The following ZFP64 variants were observed in gnomAD, a reference collection of about 807,000 sequenced individuals.
ZFP64 encodes ZFP64 zinc finger protein.
Under a neutral mutation model 51.6 loss-of-function variants are expected in ZFP64, and 14 were observed. That is an observed-to-expected ratio of 0.27 (90% confidence interval 0.18 to 0.42). The LOEUF is 0.42. Among genes scored for constraint, ZFP64 ranks in the 10% least tolerant of loss-of-function variants. ZFP64 has a pLI of 1.00. For synonymous variants in ZFP64, 375 were observed against 361.4 expected (o/e 1.04, Z -0.43); for missense variants, 754 against 906.8 (o/e 0.83, Z 2.16).
At chr20:52,117,472 A>G (rs1322820434) in intron 5 of ZFP64, among the ~76,000 whole-genome samples, 1 of 152,106 alleles carries the variant, frequency 6.6e-6, no homozygotes, top group African/African-American at 2.4e-5. Flanking sequence ...CTAAAAAATC[A>G]GCTAGGCATG....
At chr20:52,164,051 C>T (rs1224600087) in intron 4 of ZFP64, among the ~76,000 whole-genome samples, 1 of 152,100 alleles carries the variant, frequency 6.6e-6, no homozygotes. Context: ...TGGCTCACAC[C>T]TGTAAACCTA....
chr20:52,090,753 C>T (rs112789597), intron 7 of ZFP64, among the ~76,000 whole-genome samples: 11,088 of 149,962 alleles, frequency 0.074, 424 homozygotes, highest in Middle Eastern at 0.12. Flanking sequence ...GAGCCGAGAT[C>T]GTGCCACTGC....
intron 5 of ZFP64, chr20:52,110,399 C>A (rs529087175): frequency 5.3e-6 from 3 of 564,370 alleles, no homozygotes; most frequent in East Asian, 2.8e-5. Flanking sequence ...GATGTTTAAG[C>A]TCTTCTGGAG....
At chr20:52,139,326 C>T (rs548733311) in intron 5 of ZFP64, among the ~76,000 whole-genome samples, 2 of 152,304 alleles carry the variant, frequency 1.3e-5, no homozygotes, top group South Asian at 2.1e-4. Context: ...ACAACCATAA[C>T]AACATGAAAT....
intron 7 of ZFP64, among the ~76,000 whole-genome samples, chr20:52,092,365 G>C (rs2078936941): frequency 6.9e-6 from 1 of 145,796 alleles, no homozygotes; most frequent in East Asian, 2.1e-4. Context: ...TCCAGACATT[G>C]TTCCCTTGGG....
At position 52,143,983 on chromosome 20, in the gene ZFP64, G is replaced by A. The variant is rs1411341480; in HGVS notation, c.763+16140C>T. Among the ~76,000 whole-genome samples the A allele has an allele frequency of 3.5e-5, 5 of 143,314 alleles. 1 individual carries two copies. The highest frequency in any genetic ancestry group is 5.0e-5 in the African/African-American group (2 of 40,086). 94.0% of individuals were successfully genotyped at this position (143,314 alleles called of 152,430 possible). A position where few individuals can be genotyped will look rare whatever the true frequency, so the allele number is the denominator to read the frequency against. ...ATACTGACCAGTTTTGGATCTGTTGGTGAATTTATTTCAGCATTCCTGATT... is the reference window on the plus strand; with the variant it reads ...ATACTGACCAGTTTTGGATCTGTTGATGAATTTATTTCAGCATTCCTGATT... On this transcript the variant is annotated intron_variant, in intron 5 of 8. Coordinates refer to the ZFP64 transcript ENST00000361387.
Position 52,151,429 on chromosome 20 carries a change from C to T in ZFP64, c.*717G>A, listed in dbSNP as rs985617146. 1.0e-6 allele frequency: 1 copy of T among 985,170 alleles called. No individual in the cohort carries two copies. The highest frequency in any genetic ancestry group is 1.7e-5 in the African/African-American group (1 of 57,176). The allele number at this position is 985,170 out of a possible 1,614,324, so 61.0% of individuals were successfully genotyped here. ...CTTACATGTATAAAACATGAACACC[C>T]CCAAACTCTGGGGAGTATTCCAGAA... On this transcript the variant is annotated 3_prime_UTR_variant, in exon 6 of 6. Transcript: ENST00000216923.
At chr20:52,089,656 A>G (rs1338682546) in intron 7 of ZFP64, among the ~76,000 whole-genome samples, 1 of 151,750 alleles carries the variant, frequency 6.6e-6, no homozygotes, top group Non-Finnish European at 1.5e-5. Context: ...AGGTGGGAAG[A>G]TCACCTGAGC....
intron 5 of ZFP64, chr20:52,110,294 C>G (rs1978490200): frequency 2.4e-6 from 1 of 408,478 alleles, no homozygotes; most frequent in Admixed American, 3.7e-5. Flanking sequence ...AGCAGGTTAA[C>G]TCTCCCCTCC....
At chr20:52,139,848 GTTT>G (rs555986732) in intron 5 of ZFP64, among the ~76,000 whole-genome samples, 1 of 129,844 alleles carries the variant, frequency 7.7e-6, no homozygotes, top group Non-Finnish European at 1.6e-5. Context: ...GCGCTGAGTT[GTTT>G]TTTTTTTTTT....
chr20:52,176,789 G>A (rs1197014543), intron 2 of ZFP64, among the ~76,000 whole-genome samples: 1 of 152,114 alleles, frequency 6.6e-6, no homozygotes, highest in African/African-American at 2.4e-5. Context: ...GATTACAGGC[G>A]TGAGCCACCG....
intron 7 of ZFP64, among the ~76,000 whole-genome samples, chr20:52,096,417 T>C (rs111480365): frequency 1.0e-3 from 159 of 152,334 alleles, no homozygotes; most frequent in African/African-American, 3.7e-3. Flanking sequence ...GGCAGAGCCA[T>C]TGGACCAGCT....
At chr20:52,109,288 C>T (rs1317430469) in intron 5 of ZFP64, among the ~76,000 whole-genome samples, 2 of 151,938 alleles carry the variant, frequency 1.3e-5, no homozygotes, top group Admixed American at 6.6e-5. Flanking sequence ...CTCAGCCTCC[C>T]GAGTAGCTAG....
chr20:52,120,965 C>T (rs1301202224), intron 5 of ZFP64, among the ~76,000 whole-genome samples: 1 of 152,086 alleles, frequency 6.6e-6, no homozygotes, highest in Non-Finnish European at 1.5e-5. Flanking sequence ...GCATGAGCCA[C>T]CTCACCCAGT....
intron 5 of ZFP64, among the ~76,000 whole-genome samples, chr20:52,121,429 C>G (rs1470405504): frequency 6.6e-6 from 1 of 152,192 alleles, no homozygotes; most frequent in Non-Finnish European, 1.5e-5. Context: ...TATGGTGAAA[C>G]TTTTAGTCAT....
In ZFP64 at chr20:52,084,359, C is replaced by A. The variant is rs1355594587; in HGVS notation, c.*198G>T. On this transcript the variant is annotated 3_prime_UTR_variant, in exon 9 of 9. Coordinates refer to the ZFP64 transcript ENST00000361387. ...AATCCTTGGAGGGAAGAGACAAATG[C>A]GAGGAGTGTCTCCACAGCCCTGCTT... 2.4e-5 allele frequency: 14 copies of A among 583,224 alleles called. No homozygotes were observed. In the Admixed American group the frequency reaches 3.7e-4, roughly 15 times the overall value. The allele number at this position is 583,224 out of a possible 1,614,324, so 36.1% of individuals were successfully genotyped here. A position where few individuals can be genotyped will look rare whatever the true frequency, so the allele number is the denominator to read the frequency against.
chr20:52,111,716 A>T (rs1978594349), intron 5 of ZFP64, among the ~76,000 whole-genome samples: 1 of 152,178 alleles, frequency 6.6e-6, no homozygotes, highest in Non-Finnish European at 1.5e-5. Context: ...CTCTCTTTAC[A>T]AACATTATAA....
At chr20:52,101,940 CA>C (rs1190342919) in intron 5 of ZFP64, among the ~76,000 whole-genome samples, 2,058 of 77,678 alleles carry the variant, frequency 0.026, 39 homozygotes, top group African/African-American at 0.064. Flanking sequence ...CTAAAAATAC[CA>C]AAAAAAAAAA....
At chr20:52,108,420 C>T (rs973031002) in intron 5 of ZFP64, among the ~76,000 whole-genome samples, 1 of 151,942 alleles carries the variant, frequency 6.6e-6, no homozygotes, top group Non-Finnish European at 1.5e-5. Context: ...ATAATGACAA[C>T]TGATTAGTCT....
Sources: gnomAD v4.1 joint callset for allele counts (sites outside exome capture counted in the v4.1 genomes callset) on GRCh38, gnomAD v4.1.1 for gene constraint, MANE v1.5 for transcripts, NCBI Gene and HGNC (gene_info 2026-07-23, HGNC 2026-07-21) for gene names.